The following DGKD variants were observed in gnomAD, a reference collection of about 807,000 sequenced individuals.
DGKD encodes the protein DAG kinase delta.
Under a neutral mutation model 154.4 loss-of-function variants are expected in DGKD, and 68 were observed. The observed-to-expected ratio is 0.44, with a 90% CI of 0.36 to 0.54. The LOEUF is 0.54. Among genes scored for constraint, DGKD ranks in the 20% least tolerant of loss-of-function variants. The probability of loss-of-function intolerance (pLI) is 0.00; values close to 1 mark genes in which losing one functional copy is unlikely to be tolerated. For synonymous variants in DGKD, 693 were observed against 638.0 expected, an observed-to-expected ratio of 1.09 and a Z score of -1.30; for missense variants, 1,343 against 1,593.6, an observed-to-expected ratio of 0.84 and a Z score of 2.68.
At chr2:233,408,011 C>T (rs959099603) in intron 3 of DGKD, among the ~76,000 whole-genome samples, 1 of 151,700 alleles carries the variant, frequency 6.6e-6, no homozygotes, top group Non-Finnish European at 1.5e-5. Context: ...AATTCCTAAG[C>T]CAGTTAACTT....
rs536902268 is a variant in DGKD, at chr2:233,440,642, A to G, written c.1086-1245A>G. On this transcript the variant is annotated intron_variant, in intron 9 of 29. Transcript: ENST00000264057. The surrounding 1 kb of genome is among the most constrained non-coding windows in gnomAD (Gnocchi z 4.9). Reference sequence around the variant, plus strand: ...TTGTGCAGAGGCGAGGCAAGAGGGAATGCAGTGGGGCCAGGCCAGGCAGCA... The same window carrying G: ...TTGTGCAGAGGCGAGGCAAGAGGGAGTGCAGTGGGGCCAGGCCAGGCAGCA... 6.6e-6 allele frequency among the ~76,000 whole-genome samples: 1 copy of G among 152,258 alleles called. No homozygotes were observed. Among genetic ancestry groups the G allele is most frequent in the South Asian group, 2.1e-4 (1 of 4,828 alleles).
intron 1 of DGKD, among the ~76,000 whole-genome samples, chr2:233,358,115 A>G (rs181561569): frequency 1.3e-5 from 2 of 152,288 alleles, no homozygotes; most frequent in Admixed American, 6.5e-5. Flanking sequence ...CTTCATTTGT[A>G]TTTCCTGACT....
At chr2:233,462,810 A>C in intron 26 of DGKD, 75 bp downstream of exon 26, 1 of 1,266,984 alleles carries the variant, frequency 7.9e-7, no homozygotes, top group South Asian at 1.2e-5. Flanking sequence ...TGCTGGGCAC[A>C]CAGGGCAGCA....
Position 233,459,619 on chromosome 2 carries a change from A to G in DGKD, c.2695-138A>G, listed in dbSNP as rs2063559966. ...GAAGGCTAGCTGCAGGCGGAGCGCC[A>G]TCCCAGAGGCAGAGGTGGGGTGTCC... On this transcript the variant is annotated intron_variant, in intron 22 of 29. Transcript: ENST00000264057. This position sits in a 1 kb window ranked among gnomAD's most constrained non-coding sequence, Gnocchi z 5.7. 2 of 1,184,390 alleles carry G rather than the reference A, an allele frequency of 1.7e-6. No homozygotes were observed. The highest frequency in any genetic ancestry group is 2.3e-6 in the Non-Finnish European group (2 of 854,566). 73.4% of individuals were successfully genotyped at this position (1,184,390 alleles called of 1,614,324 possible). A position where few individuals can be genotyped will look rare whatever the true frequency, so the allele number is the denominator to read the frequency against.
At chr2:233,421,598 C>T (rs918249081) in intron 3 of DGKD, among the ~76,000 whole-genome samples, 2 of 152,274 alleles carry the variant, frequency 1.3e-5, no homozygotes, top group East Asian at 1.9e-4. Context: ...GCCCCAGCCA[C>T]GCACCACGCG....
chr2:233,363,997 T>C (rs182313470), intron 1 of DGKD, among the ~76,000 whole-genome samples: 190 of 152,174 alleles, frequency 1.2e-3, no homozygotes, highest in African/African-American at 4.3e-3. Flanking sequence ...TTGAAAACCA[T>C]AGATGAAGAG....
At chr2:233,371,170 G>C (rs1702302674) in intron 1 of DGKD, among the ~76,000 whole-genome samples, 1 of 152,062 alleles carries the variant, frequency 6.6e-6, no homozygotes, top group African/African-American at 2.4e-5. Flanking sequence ...GTTCCCTCCA[G>C]CAGTGCATGA....
At chr2:233,465,598 A>T (rs180956435) in intron 27 of DGKD, among the ~76,000 whole-genome samples, 12 of 152,070 alleles carry the variant, frequency 7.9e-5, no homozygotes, top group East Asian at 5.8e-4. Flanking sequence ...TTAAAAAAAA[A>T]TTTTTTTTTA....
At chr2:233,372,977 A>G (rs571392283) in intron 1 of DGKD, among the ~76,000 whole-genome samples, 1 of 152,304 alleles carries the variant, frequency 6.6e-6, no homozygotes, top group East Asian at 1.9e-4. Flanking sequence ...GACAAACCCC[A>G]CCAGAACACT....
intron 18 of DGKD, 100 bp from the exon 19 acceptor site, chr2:233,454,663 A>G: frequency 1.5e-6 from 1 of 687,350 alleles, no homozygotes; most frequent in Non-Finnish European, 2.6e-6. Flanking sequence ...AGAAAAAGTT[A>G]CCAGTTTTCC....
intron 3 of DGKD, among the ~76,000 whole-genome samples, chr2:233,395,615 C>T (rs1035633538): frequency 6.9e-6 from 1 of 144,034 alleles, no homozygotes; most frequent in African/African-American, 2.6e-5. Flanking sequence ...CCTTTCCCCT[C>T]CCCTCCCCGC....
chr2:233,434,830 C>T lies in DGKD; in HGVS notation c.515C>T (p.Ala172Val). The change falls in exon 5 of 30, where the codon GCG (alanine) becomes GTG (valine). Residue 172 changes from alanine (A) to valine (V), a missense_variant. Around this residue, in one of 6 missense-constraint regions of DGKD, gnomAD observed 332 missense variants for 400.1 expected, o/e 0.83. Transcript: ENST00000264057. The stretch of plus-strand genomic sequence containing the variant: ...CACAATTGGTACGCCTGTTCCCACG[C>T]GAGGCCGACCTACTGCAATGTGTGC... Reference protein sequence around the residue: ...GMHNWYACSHARPTYCNVCRE... With the variant: ...GMHNWYACSHVRPTYCNVCRE... The T allele has an allele frequency of 2.5e-6, 4 of 1,614,222 alleles. No individual in the cohort carries two copies. Among genetic ancestry groups the T allele is most frequent in the Non-Finnish European group, 3.4e-6 (4 of 1,180,046 alleles).
At position 233,440,798 on chromosome 2, in the gene DGKD, C is replaced by T. The variant is rs1309435417; in HGVS notation, c.1086-1089C>T. On this transcript the variant is annotated intron_variant, in intron 9 of 29. Transcript: ENST00000264057. The surrounding 1 kb of genome is among the most constrained non-coding windows in gnomAD (Gnocchi z 4.9). ...AGGCTCGTGTTTTAGAAAGGTCTTCCTGGAACTCATGGGGAGCTTTCAGGA... is the reference window on the plus strand; with the variant it reads ...AGGCTCGTGTTTTAGAAAGGTCTTCTTGGAACTCATGGGGAGCTTTCAGGA... 3.9e-5 allele frequency among the ~76,000 whole-genome samples: 6 copies of T among 152,152 alleles called. No homozygotes were observed. The highest frequency in any genetic ancestry group is 2.9e-5 in the Non-Finnish European group (2 of 68,012).
In DGKD at chr2:233,438,802, CTATCTATCTA is replaced by C. The variant is rs2062797521; in HGVS notation, c.1085+425_1085+434del. ...TCTATCTATCTATCTATCTATCTAT[CTATCTATCTA>C]TCTGTGGGTGTATTTTCCTGGCGTG... is the stretch of plus-strand genomic sequence containing the variant. On this transcript the variant is annotated intron_variant, in intron 9 of 29. Coordinates refer to ENST00000264057, the MANE Select transcript of DGKD (RefSeq NM_152879.3). The surrounding 1 kb of genome is among the most constrained non-coding windows in gnomAD (Gnocchi z 4.1). Among the ~76,000 whole-genome samples the C allele has an allele frequency of 6.7e-6, 1 of 148,282 alleles. No homozygotes were observed. The highest frequency in any genetic ancestry group is 1.9e-4 in the East Asian group (1 of 5,160).
At chr2:233,451,135 C>G (rs1396451538) in intron 17 of DGKD, 85 bp downstream of exon 17, 1 of 1,465,870 alleles carries the variant, frequency 6.8e-7, no homozygotes, top group Non-Finnish European at 9.2e-7. Flanking sequence ...GCTCGCTGCC[C>G]TCGGAGAGTT....
In DGKD at chr2:233,462,257, A is replaced by C; in HGVS notation, c.2982-91A>C. The C allele has an allele frequency of 2.9e-6, 3 of 1,040,064 alleles. 1 individual carries two copies. The South Asian group carries it at 4.5e-5, about 16-fold the overall frequency. The allele number at this position is 1,040,064 out of a possible 1,614,324, so 64.4% of individuals were successfully genotyped here. A position where few individuals can be genotyped will look rare whatever the true frequency, so the allele number is the denominator to read the frequency against. On this transcript the variant is annotated intron_variant, in intron 24 of 29. Coordinates refer to ENST00000264057, the MANE Select transcript of DGKD (RefSeq NM_152879.3). ...GGCCTGCCCTCCACATCAGCCCTCC[A>C]GGTGGTACCTGGGCCGTGTTCAGAT...
rs1417254788 is a variant in DGKD at position 233,441,532 on chromosome 2, AG to A, written c.1086-351del. 2.6e-5 allele frequency among the ~76,000 whole-genome samples: 4 copies of A among 152,148 alleles called. No homozygotes were observed. The highest frequency in any genetic ancestry group is 6.5e-5 in the Admixed American group (1 of 15,282). On this transcript the variant is annotated intron_variant, in intron 9 of 29. Coordinates refer to ENST00000264057, the MANE Select transcript of DGKD (RefSeq NM_152879.3). The surrounding 1 kb of genome is among the most constrained non-coding windows in gnomAD (Gnocchi z 5.6). Reference sequence around the variant, plus strand: ...TGACGCAGGGTGGGCTCACATGGTTAGGGGCCACGGCAGGCTGTGCCCGTGA... The same window carrying A: ...TGACGCAGGGTGGGCTCACATGGTTAGGGCCACGGCAGGCTGTGCCCGTGA...
chr2:233,455,330 G>T (rs1425544201), intron 19 of DGKD, among the ~76,000 whole-genome samples: 2 of 152,188 alleles, frequency 1.3e-5, no homozygotes, highest in African/African-American at 2.4e-5. Context: ...AGACGGGAGC[G>T]TGGGAGCCCC....
intron 24 of DGKD, 54 bp from the exon 25 acceptor site, chr2:233,462,294 A>C (rs1217941932): frequency 2.1e-6 from 3 of 1,449,302 alleles, no homozygotes; most frequent in Admixed American, 1.7e-5. Flanking sequence ...CGTATTGTGA[A>C]AGGCTGCCCT....
Sources: gnomAD v4.1 joint callset for allele counts (sites outside exome capture counted in the v4.1 genomes callset) on GRCh38, gnomAD v4.1.1 for gene constraint, gnomAD v4.1.1 regional missense constraint, Gnocchi (gnomAD v3.1) non-coding constraint, MANE v1.5 for transcripts, NCBI Gene and HGNC (gene_info 2026-07-23, HGNC 2026-07-21) for gene names.